The following CSMD3 variants were observed in gnomAD, a reference collection of about 807,000 sequenced individuals.
CSMD3 encodes CUB and Sushi multiple domains 3.
A neutral mutation model predicts 435.2 loss-of-function variants in CSMD3; 177 were observed. That is an observed-to-expected ratio of 0.41 (90% CI 0.36 to 0.46). The LOEUF (loss-of-function observed/expected upper bound fraction) is 0.46, where lower values mean the gene tolerates loss of function less well. Ranked by LOEUF, CSMD3 falls within the 20% of genes least tolerant of loss-of-function variation. The pLI, the probability that CSMD3 is intolerant of heterozygous loss-of-function variation, is 0.34. For synonymous variants in CSMD3, 1,656 were observed against 1,520.5 expected, an observed-to-expected ratio of 1.09 and a Z score of -2.07; for missense variants, 4,265 against 4,504.6, an observed-to-expected ratio of 0.95 and a Z score of 1.52.
rs377688411 is a variant in CSMD3 at position 112,289,542 on chromosome 8, C to T, written c.8975-4G>A. 9 of 1,588,858 alleles carry T rather than the reference C, an allele frequency of 5.7e-6. No homozygotes were observed. In the African/African-American group the frequency reaches 1.1e-4, roughly 19 times the overall value. ...CCAGGGTGTCCACAGTCAATCACTA[C>T]AATACATAATTATTAAATATAAAAT... On this transcript the variant is annotated splice_polypyrimidine_tract_variant and splice_region_variant and intron_variant, in intron 56 of 70. Transcript: ENST00000297405.
intron 16 of CSMD3, among the ~76,000 whole-genome samples, chr8:112,681,444 A>T (rs2075891856): frequency 6.6e-6 from 1 of 152,164 alleles, no homozygotes; most frequent in African/African-American, 2.4e-5. Context: ...CTTCTGTGGC[A>T]AATCTAAATA....
At chr8:113,413,189 A>C (rs1228843059) in intron 1 of CSMD3, among the ~76,000 whole-genome samples, 2 of 152,134 alleles carry the variant, frequency 1.3e-5, no homozygotes, top group Admixed American at 1.3e-4. Context: ...AATACATTTT[A>C]AATTGCTTCA....
At chr8:113,033,113 A>AGCTC (rs2087189964) in intron 5 of CSMD3, among the ~76,000 whole-genome samples, 1 of 151,606 alleles carries the variant, frequency 6.6e-6, no homozygotes, top group Non-Finnish European at 1.5e-5. Context: ...TCTCATGAAG[A>AGCTC]ACCTCTACTA....
chr8:112,347,854 G>C (rs1825804974), intron 40 of CSMD3, among the ~76,000 whole-genome samples: 1 of 152,088 alleles, frequency 6.6e-6, no homozygotes, highest in South Asian at 2.1e-4. Flanking sequence ...GGTTTGTTTT[G>C]CTTTATTCTG....
intron 22 of CSMD3, among the ~76,000 whole-genome samples, chr8:112,631,538 TTTTA>T (rs1331634130): frequency 6.6e-6 from 1 of 152,108 alleles, no homozygotes; most frequent in Admixed American, 6.6e-5. Flanking sequence ...CGTACATTTC[TTTTA>T]TTTATTAATT....
intron 13 of CSMD3, among the ~76,000 whole-genome samples, chr8:112,707,449 C>A (rs1011795128): frequency 7.2e-6 from 1 of 138,966 alleles, no homozygotes; most frequent in Non-Finnish European, 1.5e-5. Context: ...CTGTGCTGAG[C>A]TAATTATTGG....
intron 13 of CSMD3, among the ~76,000 whole-genome samples, chr8:112,755,051 G>A (rs765265025): frequency 6.6e-6 from 1 of 152,064 alleles, no homozygotes; most frequent in African/African-American, 2.4e-5. Flanking sequence ...ATGAGGGCGG[G>A]CCAGGCGAGG....
At chr8:112,397,408 T>C (rs894238983) in intron 35 of CSMD3, among the ~76,000 whole-genome samples, 8 of 152,186 alleles carry the variant, frequency 5.3e-5, no homozygotes, top group African/African-American at 1.9e-4. Flanking sequence ...CATGTGATCT[T>C]GGCAGAAAAT....
intron 1 of CSMD3, among the ~76,000 whole-genome samples, chr8:113,416,334 T>C (rs1022363501): frequency 1.3e-5 from 2 of 152,266 alleles, no homozygotes; most frequent in East Asian, 3.9e-4. Context: ...ATAATTCTTA[T>C]AGCTATATTA....
chr8:112,958,713 G>A (rs910923530), intron 7 of CSMD3, among the ~76,000 whole-genome samples: 11 of 152,106 alleles, frequency 7.2e-5, no homozygotes, highest in Middle Eastern at 3.4e-3. Flanking sequence ...ATATATTCAC[G>A]CATATAAATC....
At chr8:113,404,116 A>C (rs2129666150) in intron 1 of CSMD3, among the ~76,000 whole-genome samples, 1 of 151,604 alleles carries the variant, frequency 6.6e-6, no homozygotes, top group Non-Finnish European at 1.5e-5. Context: ...TCTGAAATGT[A>C]AAAAAGTGGG....
intron 3 of CSMD3, among the ~76,000 whole-genome samples, chr8:113,239,101 C>G (rs890132849): frequency 1.3e-5 from 2 of 152,104 alleles, no homozygotes; most frequent in South Asian, 2.1e-4. Context: ...CCGCCTTGAG[C>G]TGGGACACTA....
intron 3 of CSMD3, among the ~76,000 whole-genome samples, chr8:113,245,994 T>C (rs2093272339): frequency 6.6e-6 from 1 of 152,012 alleles, no homozygotes; most frequent in South Asian, 2.1e-4. Context: ...GAAGATCCCT[T>C]ATGTGTGATT....
At chr8:112,629,959 A>G (rs1362867164) in intron 22 of CSMD3, among the ~76,000 whole-genome samples, 1 of 152,182 alleles carries the variant, frequency 6.6e-6, no homozygotes, top group Admixed American at 6.5e-5. Flanking sequence ...AAGCAGCTGT[A>G]TTGTAGACCA....
chr8:113,128,813 T>C (rs952455060), intron 4 of CSMD3, among the ~76,000 whole-genome samples: 3 of 152,098 alleles, frequency 2.0e-5, no homozygotes, highest in African/African-American at 7.2e-5. Flanking sequence ...TAGCTACATA[T>C]TGAATGCTTA....
intron 5 of CSMD3, among the ~76,000 whole-genome samples, chr8:113,097,589 A>G (rs1588068187): frequency 6.6e-6 from 1 of 152,064 alleles, no homozygotes; most frequent in Admixed American, 6.6e-5. Flanking sequence ...TTCACTTACC[A>G]TCAATATTAA....
chr8:112,470,370 G>T (rs1818401110), intron 32 of CSMD3, among the ~76,000 whole-genome samples: 1 of 152,038 alleles, frequency 6.6e-6, no homozygotes, highest in African/African-American at 2.4e-5. Context: ...GTGTATATGT[G>T]TACTTGTGTA....
intron 8 of CSMD3, among the ~76,000 whole-genome samples, chr8:112,948,914 G>A (rs2083708792): frequency 6.6e-6 from 1 of 151,862 alleles, no homozygotes; most frequent in South Asian, 2.1e-4. Flanking sequence ...GGAGTTTTTG[G>A]TTTTTATTTT....
chr8:112,971,508 C>T (rs936539807), intron 7 of CSMD3, among the ~76,000 whole-genome samples: 1 of 152,110 alleles, frequency 6.6e-6, no homozygotes, highest in Non-Finnish European at 1.5e-5. Flanking sequence ...CCAATCATTA[C>T]TATGTTTAAT....
Sources: gnomAD v4.1 joint callset for allele counts (sites outside exome capture counted in the v4.1 genomes callset) on GRCh38, gnomAD v4.1.1 for gene constraint, MANE v1.5 for transcripts, NCBI Gene and HGNC (gene_info 2026-07-23, HGNC 2026-07-21) for gene names.